STPG2: variants seen among roughly 807,000 people sequenced by gnomAD.
STPG2 encodes sperm-tail PG-rich repeat-containing protein 2.
Under a neutral mutation model 54.2 loss-of-function variants are expected in STPG2, and 56 were observed. The observed-to-expected ratio is 1.03, with a 90% CI of 0.83 to 1.29. The LOEUF (loss-of-function observed/expected upper bound fraction) is 1.29, where lower values mean the gene tolerates loss of function less well. Among genes scored for constraint, STPG2 ranks in the 50% most tolerant of loss-of-function variants. STPG2 has a pLI of 0.00. For synonymous variants in STPG2, 200 were observed against 181.8 expected, an observed-to-expected ratio of 1.10 and a Z score of -0.81; for missense variants, 596 against 544.9, an observed-to-expected ratio of 1.09 and a Z score of -0.93.
intron 10 of STPG2, among the ~76,000 whole-genome samples, chr4:97,620,840 TCAC>T (rs1379451018): frequency 6.6e-6 from 1 of 152,056 alleles, no homozygotes; most frequent in African/African-American, 2.4e-5. Context: ...CATTCTCTCA[TCAC>T]CACATGGCAC....
intron 10 of STPG2, among the ~76,000 whole-genome samples, chr4:97,574,549 T>C (rs1212466346): frequency 6.6e-6 from 1 of 152,086 alleles, no homozygotes; most frequent in Non-Finnish European, 1.5e-5. Context: ...CATCTCTGTG[T>C]CAAACTCCAT....
At chr4:97,801,230 T>C (rs1346930499) in intron 9 of STPG2, among the ~76,000 whole-genome samples, 1 of 152,170 alleles carries the variant, frequency 6.6e-6, no homozygotes, top group African/African-American at 2.4e-5. Context: ...ATGAATCCAG[T>C]ACCTCAGTTG....
chr4:97,850,340 GT>G (rs1292848637), intron 8 of STPG2, among the ~76,000 whole-genome samples: 1 of 139,406 alleles, frequency 7.2e-6, no homozygotes, highest in African/African-American at 2.8e-5. Context: ...GTAGAGCACA[GT>G]AAAAAACTAA....
At chr4:97,921,927 G>C (rs1732124546) in intron 8 of STPG2, among the ~76,000 whole-genome samples, 1 of 152,148 alleles carries the variant, frequency 6.6e-6, no homozygotes. Context: ...GATACAGAAA[G>C]ACAAATTCTG....
intron 5 of STPG2, among the ~76,000 whole-genome samples, chr4:97,983,878 C>T (rs1193177860): frequency 6.6e-6 from 1 of 152,150 alleles, no homozygotes; most frequent in Admixed American, 6.5e-5. Flanking sequence ...TATACATTTA[C>T]ATGTGCACAT....
chr4:97,857,528 A>T (rs1364164010), intron 8 of STPG2, among the ~76,000 whole-genome samples: 4 of 151,938 alleles, frequency 2.6e-5, no homozygotes, highest in Non-Finnish European at 4.4e-5. Context: ...GATTGTGTGT[A>T]TTTGATTCTT....
chr4:97,453,477 C>T (rs924223048), intron 4 of STPG2, among the ~76,000 whole-genome samples: 2 of 152,106 alleles, frequency 1.3e-5, no homozygotes, highest in South Asian at 2.1e-4. Context: ...GAGCAAAACT[C>T]GGGCAAAGGC....
At chr4:97,967,600 A>G (rs958430572) in intron 7 of STPG2, among the ~76,000 whole-genome samples, 2 of 152,226 alleles carry the variant, frequency 1.3e-5, no homozygotes, top group Non-Finnish European at 2.9e-5. Flanking sequence ...TTGACCACAT[A>G]GTTGGAAGTA....
chr4:97,684,451 T>C (rs753795565), intron 10 of STPG2, among the ~76,000 whole-genome samples: 3 of 151,942 alleles, frequency 2.0e-5, no homozygotes, highest in South Asian at 2.1e-4. Flanking sequence ...CAACTGATCT[T>C]TGGCAAGGGA....
At chr4:97,933,914 G>A (rs1732646427) in intron 8 of STPG2, among the ~76,000 whole-genome samples, 1 of 152,174 alleles carries the variant, frequency 6.6e-6, no homozygotes, top group African/African-American at 2.4e-5. Context: ...GTCAATGGTA[G>A]TTTGATGGGA....
chr4:97,719,890 T>C (rs1724397524), intron 9 of STPG2, among the ~76,000 whole-genome samples: 1 of 152,014 alleles, frequency 6.6e-6, no homozygotes, highest in Non-Finnish European at 1.5e-5. Flanking sequence ...AGCATTTAGA[T>C]GATACATCAC....
chr4:97,758,366 C>T (rs1426271431), intron 9 of STPG2, among the ~76,000 whole-genome samples: 1 of 152,080 alleles, frequency 6.6e-6, no homozygotes, highest in African/African-American at 2.4e-5. Flanking sequence ...AGACTTGGAA[C>T]CAACCCAAAT....
chr4:97,616,864 A>C (rs1733886799), intron 10 of STPG2, among the ~76,000 whole-genome samples: 1 of 152,124 alleles, frequency 6.6e-6, no homozygotes, highest in South Asian at 2.1e-4. Flanking sequence ...CAGATTATAA[A>C]ATAAGCAAGA....
At chr4:97,593,840 C>T (rs1328157327) in intron 10 of STPG2, among the ~76,000 whole-genome samples, 7 of 151,640 alleles carry the variant, frequency 4.6e-5, no homozygotes, top group Non-Finnish European at 1.0e-4. Context: ...GAGAACAAAA[C>T]CAGGGGCTAG....
At chr4:97,453,415 G>C (rs1392867420) in intron 4 of STPG2, among the ~76,000 whole-genome samples, 1 of 152,164 alleles carries the variant, frequency 6.6e-6, no homozygotes, top group Non-Finnish European at 1.5e-5. Flanking sequence ...CCAGTAGAGT[G>C]AGCTGGGCAC....
At chr4:98,140,544 G>C (rs1740252673) in intron 1 of STPG2, among the ~76,000 whole-genome samples, 1 of 152,130 alleles carries the variant, frequency 6.6e-6, no homozygotes, top group Admixed American at 6.6e-5. Flanking sequence ...CAGGCACTGA[G>C]AAGATAGAAT....
At chr4:98,124,853 T>G (rs928979044) in intron 3 of STPG2, among the ~76,000 whole-genome samples, 11 of 152,220 alleles carry the variant, frequency 7.2e-5, no homozygotes, top group African/African-American at 2.7e-4. Context: ...ATCCCACATT[T>G]TTCAGAGGTT....
chr4:97,601,843 A>T (rs1406613568), intron 10 of STPG2, among the ~76,000 whole-genome samples: 2 of 151,906 alleles, frequency 1.3e-5, no homozygotes, highest in Admixed American at 1.3e-4. Flanking sequence ...TTCCTCAAGA[A>T]ATCCTTAGTT....
intron 9 of STPG2, among the ~76,000 whole-genome samples, chr4:97,806,383 C>A (rs1403946739): frequency 6.6e-6 from 1 of 152,018 alleles, no homozygotes; most frequent in Non-Finnish European, 1.5e-5. Context: ...AGGAAAGGCA[C>A]AAGGATTGAA....
Sources: allele counts gnomAD v4.1 joint callset (sites outside exome capture counted in the v4.1 genomes callset), GRCh38; gene constraint gnomAD v4.1.1; transcripts MANE v1.5; gene names NCBI Gene and HGNC (gene_info 2026-07-23, HGNC 2026-07-21).